Variants in RBM19 observed in about 807,000 individuals in gnomAD.
RBM19 encodes RNA binding motif protein 19, also known as probable RNA-binding protein 19.
A neutral mutation model predicts 116.8 loss-of-function variants in RBM19; 94 were observed. That is an observed-to-expected ratio of 0.80 (90% confidence interval 0.68 to 0.95). The LOEUF (loss-of-function observed/expected upper bound fraction) is 0.95, where lower values mean the gene tolerates loss of function less well. RBM19 is among the 40% of genes least tolerant of loss of function. The pLI is 0.00. For missense variants in RBM19, 1,161 were observed against 1,220.7 expected (o/e 0.95, Z 0.73); for synonymous variants, 475 against 494.1 (o/e 0.96, Z 0.51).
Position 113,920,519 on chromosome 12 carries a change from T to C in RBM19, c.2385+92A>G, listed in dbSNP as rs967860358. 3.4e-6 allele frequency: 4 copies of C among 1,163,240 alleles called. No homozygotes were observed. In the African/African-American group the frequency reaches 4.6e-5, roughly 13 times the overall value. 72.1% of individuals were successfully genotyped at this position (1,163,240 alleles called of 1,614,324 possible). A position where few individuals can be genotyped will look rare whatever the true frequency, so the allele number is the denominator to read the frequency against. ...TGGGCCCGGTCAAGTGTAGACTTCA[T>C]ACATATTCTCACTCAATTTCAGAGG... is the stretch of plus-strand genomic sequence containing the variant. On this transcript the variant is annotated intron_variant, in intron 19 of 23. Transcript: ENST00000261741.
rs551456573 is a variant in RBM19, at chr12:113,964,701, G to A, written c.36+1491C>T. ...TGATCTAAATTCCTTATTTTTCACA[G>A]TTGAGGCCTAGCAGATAGTCACTGG... On this transcript the variant is annotated intron_variant, in intron 1 of 23. Coordinates refer to ENST00000261741, the MANE Select transcript of RBM19 (RefSeq NM_016196.4). Among the ~76,000 whole-genome samples, 33 of 152,250 alleles carry A rather than the reference G, an allele frequency of 2.2e-4. No homozygotes were observed. The South Asian group carries it at 6.8e-3, about 32-fold the overall frequency.
chr12:113,884,298 T>TACACACACACAC lies in RBM19; in HGVS notation c.2559-25414_2559-25403dup, dbSNP rs56150788. Reference sequence around the variant, plus strand: ...ACAATATCTCAAAAAAAAAAAAGTATACACACACACACACACACACACACA... The same window carrying TACACACACACAC: ...ACAATATCTCAAAAAAAAAAAAGTATACACACACACACACACACACACACACACACACACACA... On this transcript the variant is annotated intron_variant, in intron 21 of 23. Coordinates refer to ENST00000261741, the MANE Select transcript of RBM19 (RefSeq NM_016196.4). Among the ~76,000 whole-genome samples, 385 of 137,336 alleles carry TACACACACACAC rather than the reference T, an allele frequency of 2.8e-3. 4 individuals carry two copies. Among genetic ancestry groups the TACACACACACAC allele is most frequent in the African/African-American group, 9.2e-3 (328 of 35,724 alleles). 90.1% of individuals were successfully genotyped at this position (137,336 alleles called of 152,430 possible).
rs76310217 is a variant in RBM19, at chr12:113,935,221, G to A, written c.2068+1786C>T. Among the ~76,000 whole-genome samples the A allele has an allele frequency of 1.3e-3, 198 of 152,254 alleles. 2 individuals are homozygous for A. In the East Asian group the frequency reaches 0.018, roughly 14 times the overall value. ...CTGCCTCCTGTTGCCACCCAAGGCT[G>A]CGGGAAGAGGCCTCCACCAATTTGT... is the stretch of plus-strand genomic sequence containing the variant. On this transcript the variant is annotated intron_variant, in intron 16 of 23. Transcript: ENST00000261741.
chr12:113,838,075 G>A (rs148236217), intron 23 of RBM19, among the ~76,000 whole-genome samples: 6 of 152,336 alleles, frequency 3.9e-5, no homozygotes, highest in Admixed American at 1.3e-4. Flanking sequence ...GGAAGATAAT[G>A]ATTTACCCAA....
At chr12:113,872,520 T>TG (rs1361204990) in intron 21 of RBM19, among the ~76,000 whole-genome samples, 5 of 98,558 alleles carry the variant, frequency 5.1e-5, no homozygotes, top group Admixed American at 1.0e-4. Flanking sequence ...GGGAGGGAGG[T>TG]GGGGGTGTCG....
intron 21 of RBM19, among the ~76,000 whole-genome samples, chr12:113,909,424 G>A (rs747865104): frequency 7.2e-5 from 11 of 152,100 alleles, no homozygotes; most frequent in Non-Finnish European, 1.5e-4. Flanking sequence ...CCTGGTGATG[G>A]CCATGCGGGC....
At chr12:113,957,718 T>TG in intron 6 of RBM19, 64 bp downstream of exon 6, 2 of 1,516,594 alleles carry the variant, frequency 1.3e-6, no homozygotes, top group Non-Finnish European at 1.8e-6. Flanking sequence ...AGAGGAGCTG[T>TG]GGGGACCACG....
At chr12:113,949,076 G>C in intron 9 of RBM19, 40 bp from the exon 10 acceptor site, 1 of 1,553,670 alleles carries the variant, frequency 6.4e-7, no homozygotes, top group Non-Finnish European at 8.8e-7. Context: ...GGGAGGCCTA[G>C]AACTTGCCAG....
intron 23 of RBM19, among the ~76,000 whole-genome samples, chr12:113,840,603 G>A (rs1387191183): frequency 3.9e-5 from 6 of 152,236 alleles, no homozygotes; most frequent in African/African-American, 7.2e-5. Flanking sequence ...GCCTGTGGCC[G>A]ACAGGTGGGA....
chr12:113,933,074 GC>G (rs1176948885), intron 16 of RBM19, among the ~76,000 whole-genome samples: 5 of 152,134 alleles, frequency 3.3e-5, no homozygotes, highest in Non-Finnish European at 7.3e-5. Context: ...CCCACTCTGA[GC>G]CCTTTATCTG....
intron 21 of RBM19, 106 bp downstream of exon 21, chr12:113,914,863 C>G: frequency 1.1e-6 from 1 of 945,164 alleles, no homozygotes; most frequent in Admixed American, 1.8e-5. Flanking sequence ...GACCACTGTG[C>G]CGGCCTGCAA....
intron 16 of RBM19, among the ~76,000 whole-genome samples, chr12:113,930,500 C>G (rs571505523): frequency 2.5e-4 from 38 of 152,320 alleles, no homozygotes; most frequent in Non-Finnish European, 3.8e-4. Context: ...CTGCCCTTAG[C>G]CCCAGCCCAG....
chr12:113,876,683 G>A (rs933237815), intron 21 of RBM19, among the ~76,000 whole-genome samples: 1 of 151,900 alleles, frequency 6.6e-6, no homozygotes, highest in Non-Finnish European at 1.5e-5. Context: ...CCCAGATACC[G>A]TAGGGGCTGA....
chr12:113,927,598 AAAAAAAC>A, intron 16 of RBM19, among the ~76,000 whole-genome samples: 1 of 92,012 alleles, frequency 1.1e-5, no homozygotes, highest in Non-Finnish European at 2.2e-5. Context: ...AAACAAAAAA[AAAAAAAC>A]AAAAAAAAAA....
Position 113,947,457 on chromosome 12 carries a change from C to T in RBM19, c.1284G>A (p.Leu428=). 2 of 1,600,612 alleles carry T rather than the reference C, an allele frequency of 1.2e-6. No homozygotes were observed. The highest frequency in any genetic ancestry group is 1.7e-6 in the Non-Finnish European group (2 of 1,169,114). ...TGTCGATGGGGTAGTGGAGCTCAGACAGGGGACCTGAGGACAGGAGAAGTG... is the reference window on the plus strand; with the variant it reads ...TGTCGATGGGGTAGTGGAGCTCAGATAGGGGACCTGAGGACAGGAGAAGTG... ...LEKLFSKYGP[L]SELHYPIDSL... is the part of the protein sequence containing the mutation. Residue 428 remains leucine (L), a synonymous_variant, in exon 11 of 24, where the codon CTG becomes CTA. Coordinates refer to ENST00000261741, the MANE Select transcript of RBM19 (RefSeq NM_016196.4).
chr12:113,861,997 C>T (rs751281481), intron 21 of RBM19, among the ~76,000 whole-genome samples: 6 of 152,176 alleles, frequency 3.9e-5, no homozygotes, highest in Non-Finnish European at 7.3e-5. Context: ...AGAGAAATGG[C>T]TACAGTGAGC....
chr12:113,959,500 A>T, intron 4 of RBM19, 96 bp from the exon 5 acceptor site: 2 of 1,328,900 alleles, frequency 1.5e-6, no homozygotes, highest in South Asian at 2.8e-5. Flanking sequence ...CTAACTCTTA[A>T]GAGGGTGAGA....
At chr12:113,861,468 CAG>C (rs2135745969) in intron 21 of RBM19, among the ~76,000 whole-genome samples, 1 of 95,558 alleles carries the variant, frequency 1.0e-5, no homozygotes, top group African/African-American at 3.9e-5. Flanking sequence ...TCTGGTAAGC[CAG>C]ACTCTGTGTG....
At chr12:113,899,799 C>CAGAA (rs1368376659) in intron 21 of RBM19, among the ~76,000 whole-genome samples, 1,802 of 152,300 alleles carry the variant, frequency 0.012, 13 homozygotes, top group Non-Finnish European at 0.018. Context: ...CTGGGGCTCC[C>CAGAA]TGCTGCCTTT....
Sources: gnomAD v4.1 joint callset for allele counts (sites outside exome capture counted in the v4.1 genomes callset) on GRCh38, gnomAD v4.1.1 for gene constraint, MANE v1.5 for transcripts, NCBI Gene and HGNC (gene_info 2026-07-23, HGNC 2026-07-21) for gene names.